FAM107B: variants seen among roughly 807,000 people sequenced by gnomAD.
The protein encoded by FAM107B is protein FAM107B.
FAM107B carries 21 observed loss-of-function variants against 31.5 expected under a neutral mutation model. The ratio of observed to expected loss-of-function variants is 0.67; its 90% confidence interval spans 0.47 to 0.96. The LOEUF is 0.96. Among genes scored for constraint, FAM107B ranks in the 40% least tolerant of loss-of-function variants. The pLI is 0.00. For synonymous variants in FAM107B, 157 were observed against 141.5 expected (o/e 1.11, Z -0.78); for missense variants, 452 against 377.1 (o/e 1.20, Z -1.64).
chr10:14,743,466 T>C (rs896399933), intron 1 of FAM107B, among the ~76,000 whole-genome samples: 9 of 152,210 alleles, frequency 5.9e-5, no homozygotes, highest in Admixed American at 5.2e-4. Flanking sequence ...GATTTTCTTC[T>C]AGGGTTTTCA....
At chr10:14,612,266 C>T (rs1250079710) in intron 2 of FAM107B, among the ~76,000 whole-genome samples, 1 of 152,156 alleles carries the variant, frequency 6.6e-6, no homozygotes, top group African/African-American at 2.4e-5. Context: ...TTTGTTCCAC[C>T]AAATTTAACA....
chr10:14,548,335 A>T, intron 2 of FAM107B: 1 of 814,934 alleles, frequency 1.2e-6, no homozygotes, highest in Non-Finnish European at 1.5e-6. Context: ...GGGAGGCCTC[A>T]GGGACCAGAT....
At chr10:14,767,055 T>TATATATATATATATAG (rs1440609298) in intron 1 of FAM107B, among the ~76,000 whole-genome samples, 13 of 18,278 alleles carry the variant, frequency 7.1e-4, no homozygotes, top group East Asian at 3.8e-3. Flanking sequence ...TATATATATA[T>TATATATATATATATAG]AGAGAGAGAG....
chr10:14,621,037 G>A (rs984733294), intron 2 of FAM107B, among the ~76,000 whole-genome samples: 1 of 152,100 alleles, frequency 6.6e-6, no homozygotes, highest in African/African-American at 2.4e-5. Context: ...GATTGACCTT[G>A]TATCTTATGA....
intron 1 of FAM107B, among the ~76,000 whole-genome samples, chr10:14,674,106 G>T (rs1249854161): frequency 6.6e-6 from 1 of 152,192 alleles, no homozygotes; most frequent in African/African-American, 2.4e-5. Context: ...AACTCAAAAT[G>T]CATCAAAGAC....
intron 2 of FAM107B, among the ~76,000 whole-genome samples, chr10:14,531,477 C>T (rs770489107): frequency 3.3e-4 from 49 of 150,292 alleles, no homozygotes; most frequent in Middle Eastern, 7.0e-3. Flanking sequence ...GCTATGATTG[C>T]ACCACCGCAC....
At chr10:14,556,828 A>G (rs1849748024) in intron 2 of FAM107B, among the ~76,000 whole-genome samples, 1 of 152,244 alleles carries the variant, frequency 6.6e-6, no homozygotes, top group Non-Finnish European at 1.5e-5. Context: ...GGGCCTCTCA[A>G]TAGCTTCTCC....
intron 2 of FAM107B, among the ~76,000 whole-genome samples, chr10:14,600,521 T>C (rs1468393380): frequency 7.1e-6 from 1 of 141,716 alleles, no homozygotes; most frequent in Non-Finnish European, 1.5e-5. Flanking sequence ...CCACCTTCAA[T>C]GGCATTGACA....
chr10:14,757,112 T>G (rs1422380235), intron 1 of FAM107B, among the ~76,000 whole-genome samples: 1 of 151,996 alleles, frequency 6.6e-6, no homozygotes, highest in Non-Finnish European at 1.5e-5. Context: ...TGACACAAGT[T>G]TACATATGTA....
intron 2 of FAM107B, among the ~76,000 whole-genome samples, chr10:14,632,498 A>C (rs900634605): frequency 2.7e-5 from 4 of 149,054 alleles, no homozygotes; most frequent in Non-Finnish European, 5.9e-5. Flanking sequence ...GTAGTCCCAG[A>C]TACTCGGGAG....
chr10:14,521,859 T>G lies in FAM107B; in HGVS notation c.804+10A>C. Reference sequence around the variant, plus strand: ...ACAAAAAAAGACAGCTTCCAGCCAATCCCCCTTACCTGCTCCAACTTCTGC... The same window carrying G: ...ACAAAAAAAGACAGCTTCCAGCCAAGCCCCCTTACCTGCTCCAACTTCTGC... On this transcript the variant is annotated intron_variant, in intron 4 of 4. Transcript: ENST00000181796. 6.2e-7 allele frequency: 1 copy of G among 1,607,636 alleles called. No individual in the cohort carries two copies. Among genetic ancestry groups the G allele is most frequent in the Non-Finnish European group, 8.5e-7 (1 of 1,178,378 alleles).
chr10:14,763,565 G>T (rs11259321), intron 1 of FAM107B, among the ~76,000 whole-genome samples: 2 of 152,044 alleles, frequency 1.3e-5, no homozygotes, highest in Non-Finnish European at 2.9e-5. Context: ...CTATAGAGAC[G>T]CAAGTCTTAC....
chr10:14,664,423 C>T (rs12246732), intron 2 of FAM107B, among the ~76,000 whole-genome samples: 27,898 of 152,174 alleles, frequency 0.18, 2,608 homozygotes, highest in Middle Eastern at 0.26. Context: ...TGGTTAACAG[C>T]AAACCACATA....
Position 14,660,154 on chromosome 10 carries a change from G to A in FAM107B, c.469+7480C>T, listed in dbSNP as rs74435457. Among the ~76,000 whole-genome samples, 204 of 152,178 alleles carry A rather than the reference G, an allele frequency of 1.3e-3. 2 individuals are homozygous for A. In the South Asian group the frequency reaches 0.018, roughly 14 times the overall value. ...CTCCAACTTACAGGATTCTCCCCTC[G>A]TATGACCAAGTGGTGTAATCTTTGA... On this transcript the variant is annotated intron_variant, in intron 2 of 4. Coordinates refer to ENST00000181796, the MANE Select transcript of FAM107B (RefSeq NM_031453.4).
At chr10:14,734,488 G>GTGTTTTTTTTTTTTTTTTT (rs558940939) in intron 1 of FAM107B, among the ~76,000 whole-genome samples, 14 of 138,538 alleles carry the variant, frequency 1.0e-4, no homozygotes, top group Non-Finnish European at 1.7e-4. Context: ...TTTTTGTGAG[G>GTGTTTTTTTTTTTTTTTTT]TTTTTTTTTT....
chr10:14,674,010 T>G lies in FAM107B; in HGVS notation c.412-6319A>C, dbSNP rs1393812020. ...TTTTGTTTGTTTGCTGTTGAGTTAT[T>G]TGCGTTCCAAGTATCTCTAGAAAAG... is the stretch of plus-strand genomic sequence containing the variant. On this transcript the variant is annotated intron_variant, in intron 1 of 4. Transcript: ENST00000181796. Among the ~76,000 whole-genome samples, 3 of 151,838 alleles carry G rather than the reference T, an allele frequency of 2.0e-5. No individual in the cohort carries two copies. The East Asian group carries it at 5.8e-4, about 29-fold the overall frequency.
intron 1 of FAM107B, among the ~76,000 whole-genome samples, chr10:14,699,204 G>A (rs182355853): frequency 7.9e-5 from 12 of 152,286 alleles, no homozygotes; most frequent in South Asian, 4.1e-4. Flanking sequence ...ATTAAACAGC[G>A]TTCCCCCAGA....
At chr10:14,596,667 G>A (rs1043660968) in intron 2 of FAM107B, among the ~76,000 whole-genome samples, 1 of 152,122 alleles carries the variant, frequency 6.6e-6, no homozygotes, top group Non-Finnish European at 1.5e-5. Flanking sequence ...TGACTTCTAT[G>A]ACACCTCCCA....
intron 2 of FAM107B, among the ~76,000 whole-genome samples, chr10:14,642,692 T>C (rs1361040207): frequency 1.3e-5 from 2 of 152,198 alleles, no homozygotes; most frequent in African/African-American, 4.8e-5. Flanking sequence ...TAATTCCTTC[T>C]TCAATTAATG....
Sources: gnomAD v4.1 joint callset for allele counts (sites outside exome capture counted in the v4.1 genomes callset) on GRCh38, gnomAD v4.1.1 for gene constraint, MANE v1.5 for transcripts, NCBI Gene and HGNC (gene_info 2026-07-23, HGNC 2026-07-21) for gene names.